The following MAPK10 variants were observed in gnomAD, a reference collection of about 807,000 sequenced individuals.
MAPK10 encodes mitogen-activated protein kinase 10, also known as JNK3 alpha protein kinase.
MAPK10 carries 25 observed loss-of-function variants against 59.3 expected under a neutral mutation model. That is an observed-to-expected ratio of 0.42 (90% CI 0.31 to 0.59). MAPK10 has a LOEUF of 0.59. MAPK10 is among the 20% of genes least tolerant of loss of function. The pLI, the probability that MAPK10 is intolerant of heterozygous loss-of-function variation, is 0.15. For missense variants in MAPK10, 351 were observed against 568.9 expected, an observed-to-expected ratio of 0.62 and a Z score of 3.90; for synonymous variants, 190 against 200.5, an observed-to-expected ratio of 0.95 and a Z score of 0.44.
chr4:86,135,908 T>C (rs2061963813), intron 4 of MAPK10, among the ~76,000 whole-genome samples: 2 of 152,156 alleles, frequency 1.3e-5, no homozygotes, highest in South Asian at 4.1e-4. Context: ...CAGGAGCCGA[T>C]ACGATCAACT....
At chr4:86,471,275 CAAAAA>C (rs60423060) in intron 1 of MAPK10, among the ~76,000 whole-genome samples, 7 of 96,862 alleles carry the variant, frequency 7.2e-5, no homozygotes, top group Non-Finnish European at 1.1e-4. Context: ...TGCCCCCCTG[CAAAAA>C]AAAAAAAAAA....
At chr4:86,105,096 T>C (rs1425140039) in intron 5 of MAPK10, among the ~76,000 whole-genome samples, 1 of 152,098 alleles carries the variant, frequency 6.6e-6, no homozygotes. Flanking sequence ...ACAATTTTAA[T>C]CTAATTTTCA....
intron 1 of MAPK10, among the ~76,000 whole-genome samples, chr4:86,452,632 G>A (rs1237904439): frequency 6.6e-6 from 1 of 152,058 alleles, no homozygotes; most frequent in Non-Finnish European, 1.5e-5. Flanking sequence ...ACACACCATA[G>A]CAAGGGACCG....
chr4:86,281,510 A>C lies in MAPK10; in HGVS notation c.-7+73020T>G, dbSNP rs1326165651. Among the ~76,000 whole-genome samples, 10 of 90,014 alleles carry C rather than the reference A, an allele frequency of 1.1e-4. No homozygotes were observed. The East Asian group carries it at 2.6e-3, about 23-fold the overall frequency. The allele number at this position is 90,014 out of a possible 152,430, so 59.1% of individuals were successfully genotyped here. A position where few individuals can be genotyped will look rare whatever the true frequency, so the allele number is the denominator to read the frequency against. Reference sequence around the variant, plus strand: ...GAGCAAGACCCCCTCAAAATAAAAAATAAAATAAAATAAAATAAAATAAAA... The same window carrying C: ...GAGCAAGACCCCCTCAAAATAAAAACTAAAATAAAATAAAATAAAATAAAA... On this transcript the variant is annotated intron_variant, in intron 2 of 13. Transcript: ENST00000641462.
chr4:86,465,376 C>T (rs1752106113), intron 1 of MAPK10, among the ~76,000 whole-genome samples: 1 of 152,174 alleles, frequency 6.6e-6, no homozygotes, highest in Non-Finnish European at 1.5e-5. Flanking sequence ...CCTGGTATCA[C>T]ATATAATTCT....
chr4:86,512,475 G>T (rs1019078094), intron 1 of MAPK10, among the ~76,000 whole-genome samples: 1 of 152,150 alleles, frequency 6.6e-6, no homozygotes, highest in Non-Finnish European at 1.5e-5. Flanking sequence ...AAAACCTTAA[G>T]ATGGTAGGTA....
At position 86,539,624 on chromosome 4, in the gene MAPK10, C is replaced by T. The variant is rs118136216; in HGVS notation, c.-263+54286G>A. Among the ~76,000 whole-genome samples, 66 of 152,250 alleles carry T rather than the reference C, an allele frequency of 4.3e-4. 2 individuals carry two copies. The East Asian group carries it at 0.012, about 28-fold the overall frequency. On this transcript the variant is annotated intron_variant, in intron 1 of 4. Transcript: ENST00000502302. ...ATAAACTAATGAGGGCTGCAAGAGG[C>T]TAAGATTAAATCATTATTCAATGTC...
intron 3 of MAPK10, among the ~76,000 whole-genome samples, chr4:86,190,904 C>G (rs753748640): frequency 9.2e-5 from 14 of 152,004 alleles, no homozygotes; most frequent in Non-Finnish European, 1.9e-4. Flanking sequence ...TTCCCTCTAA[C>G]CACTGCTTTA....
chr4:86,305,540 C>T (rs940735145), intron 2 of MAPK10, among the ~76,000 whole-genome samples: 2 of 151,988 alleles, frequency 1.3e-5, no homozygotes, highest in Non-Finnish European at 2.9e-5. Flanking sequence ...AAATCAAGGC[C>T]GGGCACCGTG....
chr4:86,518,147 C>T (rs926645081), intron 1 of MAPK10, among the ~76,000 whole-genome samples: 1 of 152,134 alleles, frequency 6.6e-6, no homozygotes, highest in East Asian at 1.9e-4. Flanking sequence ...CTCAGCCAGC[C>T]GAACAGCTGG....
At chr4:86,523,553 G>A (rs1032943601) in intron 1 of MAPK10, among the ~76,000 whole-genome samples, 13 of 152,216 alleles carry the variant, frequency 8.5e-5, no homozygotes, top group Admixed American at 6.5e-4. Context: ...TGTTATACTC[G>A]GATTTACATC....
At chr4:86,132,778 G>A (rs1310267980) in intron 4 of MAPK10, among the ~76,000 whole-genome samples, 1 of 152,166 alleles carries the variant, frequency 6.6e-6, no homozygotes, top group Non-Finnish European at 1.5e-5. Flanking sequence ...AACACTCCTT[G>A]TGAGGATCTA....
chr4:86,580,225 G>A (rs891950513), intron 1 of MAPK10, among the ~76,000 whole-genome samples: 6 of 152,138 alleles, frequency 3.9e-5, no homozygotes, highest in African/African-American at 1.4e-4. Context: ...TTGGCCGGAC[G>A]CTGTGGCTCA....
At chr4:86,031,260 G>C in intron 12 of MAPK10, 108 bp downstream of exon 12, 1 of 763,086 alleles carries the variant, frequency 1.3e-6, no homozygotes, top group Non-Finnish European at 2.2e-6. Flanking sequence ...TAAGAGAATA[G>C]CAGTCAGCAA....
intron 1 of MAPK10, among the ~76,000 whole-genome samples, chr4:86,514,318 A>C (rs1756496646): frequency 6.6e-6 from 1 of 152,166 alleles, no homozygotes; most frequent in African/African-American, 2.4e-5. Flanking sequence ...TTCCAACCTC[A>C]GATTGGCACC....
chr4:86,336,766 C>T (rs1002318492), intron 2 of MAPK10, among the ~76,000 whole-genome samples: 1 of 150,770 alleles, frequency 6.6e-6, no homozygotes, highest in African/African-American at 2.4e-5. Flanking sequence ...ATAAGCTCCA[C>T]GACATCAGGA....
At chr4:86,244,042 AG>A (rs2092922740) in intron 2 of MAPK10, among the ~76,000 whole-genome samples, 1 of 152,206 alleles carries the variant, frequency 6.6e-6, no homozygotes, top group South Asian at 2.1e-4. Context: ...CTGAATGATT[AG>A]TGCTGGAGCA....
intron 3 of MAPK10, among the ~76,000 whole-genome samples, chr4:86,183,750 C>T (rs1307786628): frequency 6.6e-6 from 1 of 152,156 alleles, no homozygotes; most frequent in South Asian, 2.1e-4. Context: ...GTTTACAATC[C>T]CATCAACAGT....
At chr4:86,400,754 T>C (rs886255910) in intron 1 of MAPK10, among the ~76,000 whole-genome samples, 4 of 152,138 alleles carry the variant, frequency 2.6e-5, no homozygotes, top group Non-Finnish European at 4.4e-5. Flanking sequence ...CCTTGCAGTT[T>C]TTTGGAAGTC....
Sources: gnomAD v4.1 joint callset for allele counts (sites outside exome capture counted in the v4.1 genomes callset) on GRCh38, gnomAD v4.1.1 for gene constraint, MANE v1.5 for transcripts, NCBI Gene and HGNC (gene_info 2026-07-23, HGNC 2026-07-21) for gene names.